Variants in PHACTR3 observed in about 807,000 individuals in gnomAD.
The protein encoded by PHACTR3 is phosphatase and actin regulator 3, also known as protein phosphatase 1, regulatory subunit 123.
Under a neutral mutation model 66.8 loss-of-function variants are expected in PHACTR3, and 16 were observed. That is an observed-to-expected ratio of 0.24 (90% CI 0.16 to 0.36). The LOEUF is 0.36. PHACTR3 is among the 10% of genes least tolerant of loss of function. The pLI, the probability that PHACTR3 is intolerant of heterozygous loss-of-function variation, is 1.00. For missense variants in PHACTR3, 647 were observed against 719.9 expected (o/e 0.90, Z 1.16); for synonymous variants, 323 against 292.1 (o/e 1.11, Z -1.08).
chr20:59,755,616 C>T (rs2039760159), intron 4 of PHACTR3, among the ~76,000 whole-genome samples: 1 of 101,832 alleles, frequency 9.8e-6, no homozygotes, highest in South Asian at 4.4e-4. Flanking sequence ...TGTTCATCTC[C>T]CTGGCACACC....
intron 1 of PHACTR3, among the ~76,000 whole-genome samples, chr20:59,630,772 A>G (rs2034632549): frequency 1.3e-5 from 2 of 151,818 alleles, no homozygotes; most frequent in Admixed American, 6.6e-5. Context: ...AGTCCCGGCC[A>G]CCCTCAAGGA....
intron 1 of PHACTR3, among the ~76,000 whole-genome samples, chr20:59,636,327 A>C (rs111349024): frequency 6.6e-6 from 1 of 152,182 alleles, no homozygotes; most frequent in African/African-American, 2.4e-5. Context: ...AGGGCCTACT[A>C]TGAGCTTTGC....
At chr20:59,757,263 G>A (rs577121490) in intron 4 of PHACTR3, among the ~76,000 whole-genome samples, 2 of 152,164 alleles carry the variant, frequency 1.3e-5, no homozygotes, top group East Asian at 3.9e-4. Context: ...CTCAGCTCAG[G>A]GCCTGTGCCT....
At chr20:59,666,193 G>C (rs1004159484) in intron 1 of PHACTR3, among the ~76,000 whole-genome samples, 1 of 152,168 alleles carries the variant, frequency 6.6e-6, no homozygotes, top group Non-Finnish European at 1.5e-5. Flanking sequence ...ATGCTGGTGT[G>C]TGAAGGCACC....
intron 1 of PHACTR3, among the ~76,000 whole-genome samples, chr20:59,663,062 T>A (rs2035867794): frequency 6.6e-6 from 1 of 152,200 alleles, no homozygotes; most frequent in Admixed American, 6.5e-5. Flanking sequence ...CTCTAGCGTC[T>A]GGGGGCTGCA....
chr20:59,770,040 A>G (rs2040310874), intron 5 of PHACTR3, among the ~76,000 whole-genome samples: 1 of 152,168 alleles, frequency 6.6e-6, no homozygotes, highest in South Asian at 2.1e-4. Flanking sequence ...GCCCTCAATA[A>G]CTTGGTAACC....
intron 2 of PHACTR3, among the ~76,000 whole-genome samples, chr20:59,746,113 G>T (rs1037451602): frequency 8.5e-5 from 13 of 152,212 alleles, no homozygotes; most frequent in Non-Finnish European, 1.6e-4. Context: ...CTGGAAATTG[G>T]CTTGGAAATT....
intron 1 of PHACTR3, among the ~76,000 whole-genome samples, chr20:59,674,613 CCCCTTCTCCTGTCCCCG>C (rs2036344574): frequency 2.3e-5 from 1 of 43,372 alleles, no homozygotes; most frequent in African/African-American, 2.0e-4. Context: ...CTCCTGTTCC[CCCCTTCTCCTGTCCCCG>C]CTTCTCCTGT....
At chr20:59,748,149 C>T (rs988528020) in intron 3 of PHACTR3, among the ~76,000 whole-genome samples, 11 of 152,184 alleles carry the variant, frequency 7.2e-5, no homozygotes, top group Admixed American at 2.0e-4. Flanking sequence ...AAAGTGGTAG[C>T]AGTGGTTTTT....
At chr20:59,681,974 C>T (rs1398753961) in intron 1 of PHACTR3, among the ~76,000 whole-genome samples, 1 of 150,930 alleles carries the variant, frequency 6.6e-6, no homozygotes, top group African/African-American at 2.4e-5. Context: ...CGTGCCATTG[C>T]ACCCCAGACT....
At chr20:59,616,535 G>A (rs1049006665) in intron 1 of PHACTR3, among the ~76,000 whole-genome samples, 2 of 152,236 alleles carry the variant, frequency 1.3e-5, no homozygotes, top group African/African-American at 2.4e-5. Flanking sequence ...CGCTCAAGGC[G>A]TTGCCCCCTG....
rs755535094 is a variant in PHACTR3, at chr20:59,820,706, G to C, written c.1328+14512G>C. On this transcript the variant is annotated intron_variant, in intron 8 of 12. Coordinates refer to ENST00000371015, the MANE Select transcript of PHACTR3 (RefSeq NM_080672.5). This position sits in a 1 kb window ranked among gnomAD's most constrained non-coding sequence, Gnocchi z 4.6. ...AGGGCTCCAGGGAGGGTCAGCTGCT[G>C]TTTGTTTTCCTTGGTTGCTTGGGAA... Among the ~76,000 whole-genome samples the C allele has an allele frequency of 6.6e-5, 10 of 152,162 alleles. No homozygotes were observed. The highest frequency in any genetic ancestry group is 1.0e-4 in the Non-Finnish European group (7 of 68,028).
At chr20:59,583,867 C>T (rs1217656926) in intron 1 of PHACTR3, among the ~76,000 whole-genome samples, 3 of 152,112 alleles carry the variant, frequency 2.0e-5, no homozygotes, top group Non-Finnish European at 4.4e-5. Flanking sequence ...GTCGATTTTG[C>T]GTGATTACAG....
intron 1 of PHACTR3, among the ~76,000 whole-genome samples, chr20:59,635,141 TTCTTTCTTTTTCTTTC>T (rs1275905847): frequency 5.9e-5 from 4 of 68,304 alleles, no homozygotes; most frequent in East Asian, 6.8e-4. Flanking sequence ...CTTTCTTTCT[TTCTTTCTTTTTCTTTC>T]TTTCTTTCTT....
intron 4 of PHACTR3, among the ~76,000 whole-genome samples, chr20:59,761,680 G>T (rs1285351024): frequency 6.6e-6 from 1 of 152,368 alleles, no homozygotes; most frequent in East Asian, 1.9e-4. Context: ...AGGTTTATCA[G>T]CCCCTGCTCT....
At chr20:59,680,868 A>G (rs964671076) in intron 1 of PHACTR3, among the ~76,000 whole-genome samples, 13 of 152,168 alleles carry the variant, frequency 8.5e-5, no homozygotes, top group Non-Finnish European at 5.9e-5. Context: ...AGATAGGAAC[A>G]GATCTCTGGG....
At chr20:59,824,932 A>G (rs532452719) in intron 8 of PHACTR3, among the ~76,000 whole-genome samples, 78 of 152,284 alleles carry the variant, frequency 5.1e-4, no homozygotes, top group African/African-American at 1.8e-3. Flanking sequence ...AGGTCTGTGA[A>G]TGACGATGAA....
intron 4 of PHACTR3, among the ~76,000 whole-genome samples, chr20:59,756,299 G>T (rs2039790272): frequency 6.6e-6 from 1 of 152,228 alleles, no homozygotes; most frequent in East Asian, 1.9e-4. Context: ...CACGGTTTGG[G>T]GGTGGGAAGG....
chr20:59,800,521 G>A (rs1181513894), intron 7 of PHACTR3, among the ~76,000 whole-genome samples: 1 of 152,058 alleles, frequency 6.6e-6, no homozygotes, highest in African/African-American at 2.4e-5. Flanking sequence ...TGAGACATCT[G>A]CTGTCATTCT....
Sources: allele counts gnomAD v4.1 joint callset (sites outside exome capture counted in the v4.1 genomes callset), GRCh38; gene constraint gnomAD v4.1.1; non-coding constraint Gnocchi (gnomAD v3.1); transcripts MANE v1.5; gene names NCBI Gene and HGNC (gene_info 2026-07-23, HGNC 2026-07-21).